The following ZCWPW2 variants were observed in gnomAD, a reference collection of about 807,000 sequenced individuals.
The protein encoded by ZCWPW2 is zinc finger CW-type and PWWP domain containing 2, also known as zinc finger CW-type PWWP domain protein 2.
Under a neutral mutation model 46.6 loss-of-function variants are expected in ZCWPW2, and 45 were observed. That is an observed-to-expected ratio of 0.96 (90% CI 0.76 to 1.24). The LOEUF (loss-of-function observed/expected upper bound fraction) is 1.24, where lower values mean the gene tolerates loss of function less well. Ranked by LOEUF, ZCWPW2 falls within the 50% of genes most tolerant of loss-of-function variation. The probability of loss-of-function intolerance (pLI) is 0.00; values close to 1 mark genes in which losing one functional copy is unlikely to be tolerated. For synonymous variants in ZCWPW2, 152 were observed against 137.1 expected (o/e 1.11, Z -0.76); for missense variants, 429 against 403.9 (o/e 1.06, Z -0.53).
intron 4 of ZCWPW2, among the ~76,000 whole-genome samples, chr3:28,477,080 G>A (rs369927888): frequency 6.6e-6 from 1 of 152,130 alleles, no homozygotes; most frequent in Non-Finnish European, 1.5e-5. Flanking sequence ...ACAGAATAGT[G>A]TAGGAACTGT....
intron 3 of ZCWPW2, among the ~76,000 whole-genome samples, chr3:28,425,329 A>G (rs1696962734): frequency 6.6e-6 from 1 of 152,214 alleles, no homozygotes; most frequent in African/African-American, 2.4e-5. Flanking sequence ...ACTCAAATAT[A>G]CTTATATTGC....
At chr3:28,452,387 C>T (rs889012681) in intron 4 of ZCWPW2, among the ~76,000 whole-genome samples, 8 of 152,144 alleles carry the variant, frequency 5.3e-5, no homozygotes, top group Admixed American at 2.0e-4. Flanking sequence ...CCAGTTCAAG[C>T]GATTCTCCTG....
At chr3:28,522,937 G>T (rs766906275) in intron 9 of ZCWPW2, among the ~76,000 whole-genome samples, 1 of 151,988 alleles carries the variant, frequency 6.6e-6, no homozygotes, top group East Asian at 1.9e-4. Context: ...CAGTGTTAGC[G>T]GTTTCTTTTC....
At position 28,525,090 on chromosome 3, in the gene ZCWPW2, A is replaced by G. The variant is rs978342637; in HGVS notation, c.*402A>G. The stretch of plus-strand genomic sequence containing the variant: ...CAAATCTAATAAACTTAGAGAATGT[A>G]TATTTGCAGTGGAATCAAACTATTA... On this transcript the variant is annotated 3_prime_UTR_variant, in exon 10 of 10. Coordinates refer to ENST00000383768, the MANE Select transcript of ZCWPW2 (RefSeq NM_001040432.4). 2.0e-5 allele frequency: 3 copies of G among 152,480 alleles called. No individual in the cohort carries two copies. The highest frequency in any genetic ancestry group is 6.6e-5 in the Admixed American group (1 of 15,262). 9.4% of individuals were successfully genotyped at this position (152,480 alleles called of 1,614,324 possible).
chr3:28,421,491 T>C (rs968531116), intron 3 of ZCWPW2, among the ~76,000 whole-genome samples: 3 of 152,138 alleles, frequency 2.0e-5, no homozygotes, highest in African/African-American at 7.2e-5. Context: ...GCAGTTATTC[T>C]GTGTAAGTTT....
intron 5 of ZCWPW2, among the ~76,000 whole-genome samples, chr3:28,484,204 T>C (rs1484953653): frequency 6.6e-6 from 1 of 152,142 alleles, no homozygotes; most frequent in Non-Finnish European, 1.5e-5. Context: ...TGTGATCTGC[T>C]TACATGGTCA....
intron 4 of ZCWPW2, among the ~76,000 whole-genome samples, chr3:28,437,057 C>A (rs1043442838): frequency 1.3e-5 from 2 of 152,158 alleles, no homozygotes; most frequent in African/African-American, 4.8e-5. Flanking sequence ...CTCTATACTG[C>A]ACCACATTGA....
At chr3:28,496,586 T>A (rs1418825554) in intron 6 of ZCWPW2, among the ~76,000 whole-genome samples, 1 of 152,050 alleles carries the variant, frequency 6.6e-6, no homozygotes. Flanking sequence ...TGAATGTTAA[T>A]TTCACTTAGT....
At chr3:28,488,816 T>G (rs1309196286) in intron 5 of ZCWPW2, among the ~76,000 whole-genome samples, 1 of 152,146 alleles carries the variant, frequency 6.6e-6, no homozygotes, top group Non-Finnish European at 1.5e-5. Flanking sequence ...AGTCCCTACA[T>G]GCAGAGATTT....
At chr3:28,382,326 C>CT (rs914118931) in intron 1 of ZCWPW2, among the ~76,000 whole-genome samples, 1 of 152,110 alleles carries the variant, frequency 6.6e-6, no homozygotes, top group African/African-American at 2.4e-5. Context: ...AGATGGCCAT[C>CT]TTCTCCCTGT....
At chr3:28,363,975 A>G (rs1008621490) in intron 1 of ZCWPW2, among the ~76,000 whole-genome samples, 1 of 152,074 alleles carries the variant, frequency 6.6e-6, no homozygotes. Flanking sequence ...CTCTATCTCA[A>G]ATTTCCTGTT....
chr3:28,380,946 A>ATATATATATATATATATATTTGG (rs1695033143), intron 1 of ZCWPW2, among the ~76,000 whole-genome samples: 1 of 34,786 alleles, frequency 2.9e-5, no homozygotes, highest in African/African-American at 1.5e-4. Context: ...ATATATATAT[A>ATATATATATATATATATATTTGG]TATATATATA....
intron 4 of ZCWPW2, chr3:28,448,087 CT>C (rs1698065883): frequency 1.7e-5 from 4 of 232,430 alleles, no homozygotes; most frequent in South Asian, 1.0e-4. Flanking sequence ...AAAAATGAAG[CT>C]TTTTTTAAGG....
chr3:28,499,090 C>G lies in ZCWPW2; in HGVS notation c.657+6917C>G, dbSNP rs112869237. On this transcript the variant is annotated intron_variant, in intron 6 of 9. Coordinates refer to ENST00000383768, the MANE Select transcript of ZCWPW2 (RefSeq NM_001040432.4). ...GGTTGCAAGTCTTTGCTATTGTGAACAGTGCTGCAATAAACATACGTGTGC... is the reference window on the plus strand; with the variant it reads ...GGTTGCAAGTCTTTGCTATTGTGAAGAGTGCTGCAATAAACATACGTGTGC... 7.7e-3 allele frequency among the ~76,000 whole-genome samples: 1,178 copies of G among 152,148 alleles called. 32 individuals are homozygous for G. Among genetic ancestry groups the G allele is most frequent in the African/African-American group, 0.027 (1,116 of 41,496 alleles).
chr3:28,357,613 A>T (rs928759434), intron 1 of ZCWPW2, among the ~76,000 whole-genome samples: 1 of 151,650 alleles, frequency 6.6e-6, no homozygotes, highest in Non-Finnish European at 1.5e-5. Context: ...CTGGGACGTA[A>T]GTTTTCTGCC....
intron 4 of ZCWPW2, among the ~76,000 whole-genome samples, chr3:28,478,584 C>G (rs2125804247): frequency 6.6e-6 from 1 of 152,172 alleles, no homozygotes; most frequent in East Asian, 1.9e-4. Context: ...ATAACATTAT[C>G]ATGATTATCT....
intron 4 of ZCWPW2, among the ~76,000 whole-genome samples, chr3:28,461,283 T>C (rs1321678897): frequency 1.3e-5 from 2 of 152,142 alleles, no homozygotes; most frequent in Non-Finnish European, 1.5e-5. Flanking sequence ...AGATTGGTCA[T>C]ACTAAGAACA....
At chr3:28,400,278 A>G in intron 2 of ZCWPW2, among the ~76,000 whole-genome samples, 1 of 152,072 alleles carries the variant, frequency 6.6e-6, no homozygotes, top group East Asian at 1.9e-4. Flanking sequence ...AAGCCCAAAG[A>G]AGTCTGGGAT....
chr3:28,476,237 T>A (rs1484707299), intron 4 of ZCWPW2, among the ~76,000 whole-genome samples: 1 of 151,932 alleles, frequency 6.6e-6, no homozygotes, highest in Non-Finnish European at 1.5e-5. Context: ...CATTCTATAT[T>A]GTGAGAATTT....
Sources: allele counts gnomAD v4.1 joint callset (sites outside exome capture counted in the v4.1 genomes callset), GRCh38; gene constraint gnomAD v4.1.1; transcripts MANE v1.5; gene names NCBI Gene and HGNC (gene_info 2026-07-23, HGNC 2026-07-21).